Variants in MYO1E observed in about 807,000 individuals in gnomAD.
MYO1E encodes myosin IE, also known as unconventional myosin-Ie.
A neutral mutation model predicts 151.1 loss-of-function variants in MYO1E; 68 were observed. That is an observed-to-expected ratio of 0.45 (90% CI 0.37 to 0.55). The LOEUF (loss-of-function observed/expected upper bound fraction) is 0.55. Ranked by LOEUF, MYO1E falls within the 20% of genes least tolerant of loss-of-function variation. The pLI, the probability that MYO1E is intolerant of heterozygous loss-of-function variation, is 0.00. For missense variants in MYO1E, 1,363 were observed against 1,389.3 expected (o/e 0.98, Z 0.30); for synonymous variants, 601 against 501.7 (o/e 1.20, Z -2.64).
At chr15:59,216,689 C>T (rs374091456) in intron 10 of MYO1E, among the ~76,000 whole-genome samples, 209 of 14,314 alleles carry the variant, frequency 0.015, no homozygotes, top group African/African-American at 0.028. Flanking sequence ...TATATATACA[C>T]ATACACACAC....
At chr15:59,207,966 T>C (rs763728670) in intron 14 of MYO1E, 10 of 1,614,066 alleles carry the variant, frequency 6.2e-6, no homozygotes, top group Middle Eastern at 1.6e-4. Flanking sequence ...GTATTCCTTG[T>C]ATCCTGGGAG....
chr15:59,202,475 T>TA (rs2079808353), intron 15 of MYO1E, 68 bp from the exon 16 acceptor site: 1 of 1,443,848 alleles, frequency 6.9e-7, no homozygotes, highest in Non-Finnish European at 9.7e-7. Context: ...CCTGCCTTTC[T>TA]AGAGGATGGG....
At chr15:59,354,692 G>A (rs1388042900) in intron 1 of MYO1E, among the ~76,000 whole-genome samples, 1 of 152,158 alleles carries the variant, frequency 6.6e-6, no homozygotes, top group East Asian at 1.9e-4. Context: ...TGGTGAATTT[G>A]GTTTCCATTT....
chr15:59,371,269 C>T (rs568115541), intron 1 of MYO1E, among the ~76,000 whole-genome samples: 1 of 152,108 alleles, frequency 6.6e-6, no homozygotes, highest in East Asian at 1.9e-4. Flanking sequence ...GGCTGCTCAC[C>T]GGGATATCGA....
At chr15:59,332,877 G>T (rs1242909630) in intron 1 of MYO1E, among the ~76,000 whole-genome samples, 2 of 152,016 alleles carry the variant, frequency 1.3e-5, no homozygotes, top group Non-Finnish European at 2.9e-5. Flanking sequence ...GATTCTATTG[G>T]ATGCAGCCAA....
chr15:59,265,792 T>TA (rs59957325), intron 2 of MYO1E, among the ~76,000 whole-genome samples: 10,070 of 106,106 alleles, frequency 0.095, 600 homozygotes, highest in Non-Finnish European at 0.11. Context: ...CCCATCTCCT[T>TA]AAAAAAAAAA....
rs758856953 is a variant in MYO1E, at chr15:59,202,423, G to A, written c.1617-16C>T. ...TATGAAAGGCCTGGAAAAGGAGAAAGAGAATGAATTAACAATCTGTAAGTA... is the reference window on the plus strand; with the variant it reads ...TATGAAAGGCCTGGAAAAGGAGAAAAAGAATGAATTAACAATCTGTAAGTA... On this transcript the variant is annotated splice_polypyrimidine_tract_variant and intron_variant, in intron 15 of 27. Transcript: ENST00000288235. 3 of 1,607,138 alleles carry A rather than the reference G, an allele frequency of 1.9e-6. No homozygotes were observed. The highest frequency in any genetic ancestry group is 2.6e-6 in the Non-Finnish European group (3 of 1,175,996).
intron 10 of MYO1E, among the ~76,000 whole-genome samples, chr15:59,215,587 A>G (rs902987433): frequency 4.6e-5 from 7 of 152,180 alleles, no homozygotes; most frequent in African/African-American, 1.7e-4. Context: ...TAAGCGAACA[A>G]TTCTTTGAGG....
At chr15:59,335,068 A>T in intron 1 of MYO1E, among the ~76,000 whole-genome samples, 1 of 152,230 alleles carries the variant, frequency 6.6e-6, no homozygotes. Flanking sequence ...TGTCTCAAAG[A>T]GAACATTCAC....
chr15:59,167,641 C>G (rs1167842742), intron 22 of MYO1E, among the ~76,000 whole-genome samples: 1 of 152,146 alleles, frequency 6.6e-6, no homozygotes, highest in South Asian at 2.1e-4. Context: ...TCCAATGAAG[C>G]CAGAAATGCA....
intron 1 of MYO1E, among the ~76,000 whole-genome samples, chr15:59,356,594 T>C (rs1372044350): frequency 6.6e-6 from 1 of 152,204 alleles, no homozygotes; most frequent in African/African-American, 2.4e-5. Context: ...ATTAAGTTTT[T>C]TGGGGTTTTT....
In MYO1E at chr15:59,292,687, T is replaced by A. The variant is rs536645964; in HGVS notation, c.4-20238A>T. The stretch of plus-strand genomic sequence containing the variant: ...GCTGTAGTAACCTTCACTATGAATT[T>A]CCTGACCAGTGTGATGAAAATCTCA... On this transcript the variant is annotated intron_variant, in intron 1 of 27. Coordinates refer to ENST00000288235, the MANE Select transcript of MYO1E (RefSeq NM_004998.4). 1.3e-5 allele frequency among the ~76,000 whole-genome samples: 2 copies of A among 152,332 alleles called. 1 individual carries two copies. Among genetic ancestry groups the A allele is most frequent in the African/African-American group, 4.8e-5 (2 of 41,570 alleles).
intron 6 of MYO1E, among the ~76,000 whole-genome samples, chr15:59,230,096 G>C (rs2080017383): frequency 6.6e-6 from 1 of 152,084 alleles, no homozygotes; most frequent in Admixed American, 6.6e-5. Context: ...CCAATAGCGT[G>C]TTTTCTCGAT....
chr15:59,282,624 C>T (rs1402831780), intron 1 of MYO1E, among the ~76,000 whole-genome samples: 1 of 151,110 alleles, frequency 6.6e-6, no homozygotes, highest in African/African-American at 2.4e-5. Context: ...GGAGGGAGGA[C>T]TGCTTGAGCC....
chr15:59,327,309 C>T (rs1020637982), intron 1 of MYO1E, among the ~76,000 whole-genome samples: 8 of 141,210 alleles, frequency 5.7e-5, no homozygotes, highest in African/African-American at 2.1e-4. Context: ...TTTTAAAAGG[C>T]ACTTTGTACA....
At position 59,209,501 on chromosome 15, in the gene MYO1E, C is replaced by T. The variant is rs537543718; in HGVS notation, c.1363-653G>A. 2.4e-3 allele frequency among the ~76,000 whole-genome samples: 362 copies of T among 151,914 alleles called. 2 individuals are homozygous for T. Among genetic ancestry groups the T allele is most frequent in the Admixed American group, 4.5e-3 (69 of 15,260 alleles). On this transcript the variant is annotated intron_variant, in intron 13 of 27. Coordinates refer to ENST00000288235, the MANE Select transcript of MYO1E (RefSeq NM_004998.4). ...GACCAGCCTGGCCAACATGGTGAAACCCCCTCTCTACTAAAAATACAAAAA... is the reference window on the plus strand; with the variant it reads ...GACCAGCCTGGCCAACATGGTGAAATCCCCTCTCTACTAAAAATACAAAAA...
At chr15:59,221,883 AACT>A (rs1349391555) in intron 9 of MYO1E, among the ~76,000 whole-genome samples, 1 of 152,234 alleles carries the variant, frequency 6.6e-6, no homozygotes, top group Non-Finnish European at 1.5e-5. Flanking sequence ...CTTCAACAGA[AACT>A]ACCACCAAAC....
chr15:59,140,580 G>C (rs1031139289), intron 26 of MYO1E, among the ~76,000 whole-genome samples: 1 of 152,358 alleles, frequency 6.6e-6, no homozygotes, highest in South Asian at 2.1e-4. Flanking sequence ...ACAGGAGCAA[G>C]GAGGAAAAGG....
chr15:59,285,187 C>A (rs2080379827), intron 1 of MYO1E, among the ~76,000 whole-genome samples: 1 of 152,122 alleles, frequency 6.6e-6, no homozygotes, highest in Non-Finnish European at 1.5e-5. Flanking sequence ...TGCCTCTGTG[C>A]CTTGGGCAAG....
Sources: gnomAD v4.1 joint callset for allele counts (sites outside exome capture counted in the v4.1 genomes callset) on GRCh38, gnomAD v4.1.1 for gene constraint, MANE v1.5 for transcripts, NCBI Gene and HGNC (gene_info 2026-07-23, HGNC 2026-07-21) for gene names.